NRG1: variants seen among roughly 807,000 people sequenced by gnomAD.
NRG1 encodes neuregulin 1.
A neutral mutation model predicts 63.8 loss-of-function variants in NRG1; 18 were observed. The observed-to-expected ratio is 0.28, with a 90% CI of 0.19 to 0.42. The LOEUF (loss-of-function observed/expected upper bound fraction) is 0.42, where lower values mean the gene tolerates loss of function less well. Ranked by LOEUF, NRG1 falls within the 10% of genes least tolerant of loss-of-function variation. The probability of loss-of-function intolerance (pLI) is 1.00; values close to 1 mark genes in which losing one functional copy is unlikely to be tolerated. For missense variants in NRG1, 762 were observed against 814.7 expected (o/e 0.94, Z 0.79); for synonymous variants, 302 against 301.3 (o/e 1.00, Z -0.02).
At chr8:32,104,191 C>CT (rs1830958244) in intron 1 of NRG1, among the ~76,000 whole-genome samples, 1 of 152,176 alleles carries the variant, frequency 6.6e-6, no homozygotes, top group African/African-American at 2.4e-5. Context: ...CCTCTTACTC[C>CT]TAGGCTACAA....
At chr8:32,038,237 CT>C (rs1819386264) in intron 1 of NRG1, among the ~76,000 whole-genome samples, 1 of 152,222 alleles carries the variant, frequency 6.6e-6, no homozygotes. Flanking sequence ...GAGGGAGCAC[CT>C]TTTGCCGCAC....
intron 1 of NRG1, among the ~76,000 whole-genome samples, chr8:31,924,407 A>T (rs1462171253): frequency 2.0e-5 from 3 of 152,002 alleles, no homozygotes; most frequent in Admixed American, 2.0e-4. Context: ...CATTGACATA[A>T]AGTTACTGTT....
intron 1 of NRG1, among the ~76,000 whole-genome samples, chr8:31,884,944 C>T (rs1486389480): frequency 1.3e-5 from 2 of 152,114 alleles, no homozygotes; most frequent in East Asian, 3.9e-4. Context: ...TTTAGAGTAA[C>T]TATGGCTTTG....
chr8:31,982,399 G>T (rs1283543143), intron 1 of NRG1, among the ~76,000 whole-genome samples: 1 of 152,042 alleles, frequency 6.6e-6, no homozygotes, highest in Non-Finnish European at 1.5e-5. Context: ...ATCACAAAGA[G>T]AAATTCTGAT....
chr8:32,255,305 G>A (rs935972374), intron 1 of NRG1, among the ~76,000 whole-genome samples: 1 of 152,120 alleles, frequency 6.6e-6, no homozygotes, highest in Non-Finnish European at 1.5e-5. Flanking sequence ...CTTACAATTT[G>A]GTATGTTTTT....
chr8:32,291,684 A>G lies in NRG1; in HGVS notation c.38-304144A>G, dbSNP rs1386797646. Among the ~76,000 whole-genome samples, 10 of 152,056 alleles carry G rather than the reference A, an allele frequency of 6.6e-5. No individual in the cohort carries two copies. In the East Asian group the frequency reaches 1.8e-3, roughly 27 times the overall value. On this transcript the variant is annotated intron_variant, in intron 1 of 10. Coordinates refer to the NRG1 transcript ENST00000519301. ...CTTCCTCTCAAGTAGCTAGGACTAC[A>G]GGTGCACACCACCACTCCCGGCTAA...
At chr8:31,939,467 A>G (rs528670953) in intron 1 of NRG1, among the ~76,000 whole-genome samples, 52 of 152,202 alleles carry the variant, frequency 3.4e-4, no homozygotes, top group African/African-American at 1.1e-3. Context: ...TCCTTAAAGC[A>G]TAAATCTCAC....
chr8:32,491,738 T>C (rs4733122), intron 1 of NRG1, among the ~76,000 whole-genome samples: 20,796 of 152,178 alleles, frequency 0.14, 1,692 homozygotes, highest in Admixed American at 0.26. Flanking sequence ...GAGTGCCCAC[T>C]TGCACAATGG....
intron 7 of NRG1, among the ~76,000 whole-genome samples, chr8:32,744,617 G>C (rs1460362989): frequency 6.6e-6 from 1 of 152,046 alleles, no homozygotes; most frequent in East Asian, 1.9e-4. Flanking sequence ...GATAAATGCA[G>C]TAAAATCATA....
intron 1 of NRG1, among the ~76,000 whole-genome samples, chr8:32,090,026 C>A (rs2131254231): frequency 6.6e-6 from 1 of 152,214 alleles, no homozygotes; most frequent in Admixed American, 6.5e-5. Context: ...CTTTTCCTGA[C>A]AATTATGAGG....
intron 5 of NRG1, among the ~76,000 whole-genome samples, chr8:32,715,013 G>T (rs1818828821): frequency 6.6e-6 from 1 of 152,082 alleles, no homozygotes. Context: ...TTGCTCTGTT[G>T]CCCAGGCTGG....
chr8:31,889,391 CAT>C (rs901141250), intron 1 of NRG1, among the ~76,000 whole-genome samples: 1 of 152,124 alleles, frequency 6.6e-6, no homozygotes, highest in African/African-American at 2.4e-5. Context: ...CTGAGCTAAA[CAT>C]GTGTCTACTC....
chr8:32,161,217 A>T (rs992641746), intron 1 of NRG1, among the ~76,000 whole-genome samples: 2 of 152,198 alleles, frequency 1.3e-5, no homozygotes, highest in African/African-American at 4.8e-5. Flanking sequence ...ATTAGCTGAC[A>T]TGACTTAAAA....
chr8:32,388,102 C>G (rs1274662796), intron 1 of NRG1, among the ~76,000 whole-genome samples: 2 of 152,150 alleles, frequency 1.3e-5, no homozygotes, highest in African/African-American at 4.8e-5. Context: ...TCTCATTAGC[C>G]TTATTCAGCA....
chr8:32,389,871 G>A (rs563682823), intron 1 of NRG1, among the ~76,000 whole-genome samples: 25 of 151,240 alleles, frequency 1.7e-4, no homozygotes, highest in South Asian at 6.3e-4. Flanking sequence ...AACGATTTTC[G>A]TTCCTCAGCC....
intron 1 of NRG1, among the ~76,000 whole-genome samples, chr8:31,801,650 G>A (rs1370534298): frequency 6.6e-6 from 1 of 152,094 alleles, no homozygotes; most frequent in Admixed American, 6.5e-5. Context: ...GTATCCTTCT[G>A]TAGAGATGTA....
At chr8:32,732,804 T>TA (rs1564062856) in intron 6 of NRG1, among the ~76,000 whole-genome samples, 1 of 140,320 alleles carries the variant, frequency 7.1e-6, no homozygotes, top group Non-Finnish European at 1.5e-5. Flanking sequence ...AATTTCTTTT[T>TA]TTTTTTTTTT....
chr8:32,646,780 C>A (rs1853638439), intron 5 of NRG1: 1 of 985,170 alleles, frequency 1.0e-6, no homozygotes, highest in Non-Finnish European at 1.2e-6. Context: ...GGCCTTTATT[C>A]CTTCTAATTG....
chr8:32,608,092 G>GTTTTTTTTTT (rs1226154193), intron 3 of NRG1, among the ~76,000 whole-genome samples: 145 of 106,056 alleles, frequency 1.4e-3, no homozygotes, highest in Non-Finnish European at 2.0e-3. Context: ...GGTTTTTTTT[G>GTTTTTTTTTT]TTTTTTTTTT....
Sources: allele counts gnomAD v4.1 joint callset (sites outside exome capture counted in the v4.1 genomes callset), GRCh38; gene constraint gnomAD v4.1.1; transcripts MANE v1.5; gene names NCBI Gene and HGNC (gene_info 2026-07-23, HGNC 2026-07-21).